The following ARHGAP24 variants were observed in gnomAD, a reference collection of about 807,000 sequenced individuals.
The protein encoded by ARHGAP24 is Rho GTPase activating protein 24, also known as rho GTPase-activating protein 24.
ARHGAP24 carries 50 observed loss-of-function variants against 76.4 expected under a neutral mutation model. The observed-to-expected ratio is 0.65, with a 90% confidence interval of 0.52 to 0.83. The LOEUF (loss-of-function observed/expected upper bound fraction) is 0.83, where lower values mean the gene tolerates loss of function less well. Ranked by LOEUF, ARHGAP24 falls within the 40% of genes least tolerant of loss-of-function variation. The pLI is 0.00. For synonymous variants in ARHGAP24, 345 were observed against 323.3 expected (o/e 1.07, Z -0.72); for missense variants, 930 against 914.2 (o/e 1.02, Z -0.22).
chr4:85,738,107 G>A (rs750638335), intron 3 of ARHGAP24, among the ~76,000 whole-genome samples: 9 of 152,000 alleles, frequency 5.9e-5, no homozygotes, highest in Admixed American at 2.0e-4. Context: ...TTTTAGTAGA[G>A]ACAGAGTTTC....
chr4:85,721,267 A>G (rs59030113), intron 2 of ARHGAP24, among the ~76,000 whole-genome samples: 7,488 of 152,046 alleles, frequency 0.049, 555 homozygotes, highest in African/African-American at 0.17. Context: ...GTGCTGGCAG[A>G]TGCCTGTAAT....
intron 3 of ARHGAP24, among the ~76,000 whole-genome samples, chr4:85,873,626 T>G (rs1285669072): frequency 1.3e-5 from 2 of 152,202 alleles, no homozygotes; most frequent in East Asian, 3.9e-4. Context: ...AACCCCGTTC[T>G]TGTCTGCTGC....
chr4:85,800,866 TA>T (rs1268729086), intron 3 of ARHGAP24, among the ~76,000 whole-genome samples: 2 of 152,232 alleles, frequency 1.3e-5, no homozygotes, highest in Non-Finnish European at 2.9e-5. Flanking sequence ...AAGATAAATA[TA>T]TGCAGCTTGC....
intron 1 of ARHGAP24, among the ~76,000 whole-genome samples, chr4:85,491,068 T>C (rs1723338359): frequency 6.6e-6 from 1 of 152,212 alleles, no homozygotes. Context: ...AATTGGTATT[T>C]ATAAGGGTCA....
chr4:85,500,051 A>C (rs1248123124), intron 1 of ARHGAP24, among the ~76,000 whole-genome samples: 1 of 152,170 alleles, frequency 6.6e-6, no homozygotes, highest in Non-Finnish European at 1.5e-5. Flanking sequence ...TAAAATACAC[A>C]CTAGATTTTT....
At chr4:85,908,369 T>C (rs1734886543) in intron 3 of ARHGAP24, among the ~76,000 whole-genome samples, 1 of 152,192 alleles carries the variant, frequency 6.6e-6, no homozygotes, top group Non-Finnish European at 1.5e-5. Context: ...AAATATATAT[T>C]ATTTCTGTAC....
chr4:85,942,339 G>T, intron 5 of ARHGAP24, 66 bp downstream of exon 5: 1 of 1,542,284 alleles, frequency 6.5e-7, no homozygotes, highest in Non-Finnish European at 9.0e-7. Flanking sequence ...AGGATGCAGT[G>T]AGCTGAGGAG....
At chr4:85,731,206 A>G (rs566604424) in intron 3 of ARHGAP24, among the ~76,000 whole-genome samples, 2 of 152,318 alleles carry the variant, frequency 1.3e-5, no homozygotes, top group South Asian at 2.1e-4. Flanking sequence ...TTTATTATCT[A>G]CACTACACTG....
At chr4:85,968,845 C>T (rs1296616359) in intron 5 of ARHGAP24, among the ~76,000 whole-genome samples, 1 of 152,114 alleles carries the variant, frequency 6.6e-6, no homozygotes, top group Non-Finnish European at 1.5e-5. Context: ...ATTTTTAAAT[C>T]TTAGCCTTTA....
chr4:85,874,858 T>A (rs59228212), intron 3 of ARHGAP24, among the ~76,000 whole-genome samples: 2 of 102,384 alleles, frequency 2.0e-5, no homozygotes, highest in Non-Finnish European at 3.5e-5. Context: ...AATTTATATA[T>A]AAATATATTT....
intron 2 of ARHGAP24, among the ~76,000 whole-genome samples, chr4:85,704,761 T>G (rs1446794058): frequency 1.3e-5 from 2 of 152,160 alleles, no homozygotes; most frequent in East Asian, 3.9e-4. Flanking sequence ...TAACTTATAT[T>G]TTGTTCTTTG....
intron 1 of ARHGAP24, among the ~76,000 whole-genome samples, chr4:85,548,561 T>C (rs1380029399): frequency 6.6e-6 from 1 of 152,228 alleles, no homozygotes; most frequent in Non-Finnish European, 1.5e-5. Flanking sequence ...TATATGTGTC[T>C]GTTTGCTCGA....
At chr4:85,835,650 G>A (rs1315529263) in intron 3 of ARHGAP24, among the ~76,000 whole-genome samples, 1 of 151,934 alleles carries the variant, frequency 6.6e-6, no homozygotes, top group Non-Finnish European at 1.5e-5. Flanking sequence ...TGGAAAGGAT[G>A]TGAAGCGATA....
intron 3 of ARHGAP24, among the ~76,000 whole-genome samples, chr4:85,759,412 T>C (rs1726648445): frequency 6.6e-6 from 1 of 152,122 alleles, no homozygotes; most frequent in African/African-American, 2.4e-5. Context: ...GAAAATATGC[T>C]AGCAAAAAGG....
intron 3 of ARHGAP24, among the ~76,000 whole-genome samples, chr4:85,735,482 A>G (rs1166640027): frequency 6.6e-6 from 1 of 152,070 alleles, no homozygotes; most frequent in East Asian, 1.9e-4. Flanking sequence ...CCTCATAATA[A>G]TTGCCCAATC....
At chr4:85,918,176 A>C (rs1030531820) in intron 3 of ARHGAP24, among the ~76,000 whole-genome samples, 1 of 152,130 alleles carries the variant, frequency 6.6e-6, no homozygotes, top group African/African-American at 2.4e-5. Context: ...AGTTATTGTT[A>C]AAATTATTGT....
At chr4:85,774,805 A>AT (rs1200650855) in intron 3 of ARHGAP24, among the ~76,000 whole-genome samples, 16 of 152,136 alleles carry the variant, frequency 1.1e-4, no homozygotes, top group Non-Finnish European at 2.9e-5. Flanking sequence ...AGTAGATTAG[A>AT]TTTTGCCTTC....
At chr4:85,682,253 ATTAT>A (rs1723233528) in intron 2 of ARHGAP24, among the ~76,000 whole-genome samples, 1 of 152,230 alleles carries the variant, frequency 6.6e-6, no homozygotes, top group Admixed American at 6.5e-5. Flanking sequence ...AGAATTCTTG[ATTAT>A]TTATATTGTG....
intron 3 of ARHGAP24, chr4:85,778,740 G>T: frequency 2.0e-6 from 2 of 985,330 alleles, no homozygotes; most frequent in Non-Finnish European, 2.4e-6. Flanking sequence ...TGAGAAGGAG[G>T]AGAAAGAAAA....
Sources: allele counts gnomAD v4.1 joint callset (sites outside exome capture counted in the v4.1 genomes callset), GRCh38; gene constraint gnomAD v4.1.1; transcripts MANE v1.5; gene names NCBI Gene and HGNC (gene_info 2026-07-23, HGNC 2026-07-21).